Variants in DGLUCY observed in about 807,000 individuals in gnomAD.
DGLUCY encodes the protein D-glutamate cyclase, mitochondrial.
Under a neutral mutation model 58.5 loss-of-function variants are expected in DGLUCY, and 58 were observed. The observed-to-expected ratio is 0.99, with a 90% CI of 0.80 to 1.23. DGLUCY has a LOEUF of 1.23. DGLUCY is among the 50% of genes most tolerant of loss of function. The pLI is 0.00. For synonymous variants in DGLUCY, 325 were observed against 314.1 expected, an observed-to-expected ratio of 1.03 and a Z score of -0.37; for missense variants, 779 against 784.7, an observed-to-expected ratio of 0.99 and a Z score of 0.09.
chr14:91,093,746 G>A (rs746845389), intron 1 of DGLUCY, among the ~76,000 whole-genome samples: 3 of 151,828 alleles, frequency 2.0e-5, no homozygotes, highest in African/African-American at 4.8e-5. Context: ...CGGAGGTCAC[G>A]GTGAACTGAG....
intron 1 of DGLUCY, among the ~76,000 whole-genome samples, chr14:91,152,880 T>A (rs1417300087): frequency 6.6e-6 from 1 of 152,218 alleles, no homozygotes; most frequent in Non-Finnish European, 1.5e-5. Flanking sequence ...CTTCTGTTTT[T>A]CGTGTGCATC....
intron 12 of DGLUCY, among the ~76,000 whole-genome samples, chr14:91,208,515 G>A (rs1259872071): frequency 3.3e-5 from 5 of 152,096 alleles, no homozygotes; most frequent in South Asian, 2.1e-4. Flanking sequence ...TTGGGAGGCC[G>A]AGGCGGGCAG....
intron 13 of DGLUCY, chr14:91,216,146 GGTT>G: frequency 5.5e-6 from 1 of 182,526 alleles, no homozygotes; most frequent in Admixed American, 5.4e-5. Context: ...GCTTAGTGAT[GGTT>G]TGTGGGAGAC....
At chr14:91,083,855 A>G (rs2044168760) in intron 1 of DGLUCY, among the ~76,000 whole-genome samples, 1 of 151,794 alleles carries the variant, frequency 6.6e-6, no homozygotes, top group Non-Finnish European at 1.5e-5. Flanking sequence ...CCCCCAATCT[A>G]ATGTAGCTTC....
chr14:91,186,482 G>A (rs1044268084), intron 8 of DGLUCY, among the ~76,000 whole-genome samples: 32 of 152,030 alleles, frequency 2.1e-4, no homozygotes, highest in Admixed American at 3.9e-4. Context: ...CCTGACCATG[G>A]ATCAGGTGAT....
chr14:91,138,241 C>G (rs1300630599), intron 1 of DGLUCY, among the ~76,000 whole-genome samples: 1 of 152,136 alleles, frequency 6.6e-6, no homozygotes, highest in Non-Finnish European at 1.5e-5. Context: ...CCTGTAATCC[C>G]AGCACTTTGG....
chr14:91,084,292 C>G (rs578036622), intron 1 of DGLUCY, among the ~76,000 whole-genome samples: 2 of 151,876 alleles, frequency 1.3e-5, no homozygotes, highest in East Asian at 3.9e-4. Context: ...CAACCTCCAC[C>G]TCCTGGGTTC....
chr14:91,187,253 C>T (rs1388764895), intron 8 of DGLUCY, among the ~76,000 whole-genome samples: 1 of 152,178 alleles, frequency 6.6e-6, no homozygotes, highest in African/African-American at 2.4e-5. Context: ...CCACCTCAGG[C>T]TCCCAAAGTG....
At chr14:91,116,222 A>G (rs1188484712) in intron 1 of DGLUCY, among the ~76,000 whole-genome samples, 1 of 152,212 alleles carries the variant, frequency 6.6e-6, no homozygotes, top group Non-Finnish European at 1.5e-5. Flanking sequence ...GGATTTTCCA[A>G]CCTGCCTTAA....
chr14:91,207,442 A>T (rs1884935091), intron 12 of DGLUCY, among the ~76,000 whole-genome samples: 1 of 152,220 alleles, frequency 6.6e-6, no homozygotes, highest in African/African-American at 2.4e-5. Flanking sequence ...GAAGAAAGAG[A>T]GCGATAAATA....
intron 1 of DGLUCY, among the ~76,000 whole-genome samples, chr14:91,143,138 C>G (rs573929054): frequency 2.0e-5 from 3 of 151,340 alleles, no homozygotes; most frequent in African/African-American, 4.9e-5. Context: ...CTCTGTCGCC[C>G]AGGCTGGAGT....
chr14:91,099,115 G>C (rs1463286200), intron 1 of DGLUCY, among the ~76,000 whole-genome samples: 1 of 152,194 alleles, frequency 6.6e-6, no homozygotes, highest in East Asian at 1.9e-4. Context: ...CTTGATGCAG[G>C]AGGTAGCTTT....
Position 91,170,049 on chromosome 14 carries a change from G to C in DGLUCY, c.304G>C (p.Gly102Arg). The part of the protein sequence containing the change: ...FWKYEFGACT[G>R]SLASLEQYSE... ...GAAATACGAGTTCGGTGCCTGCACC[G>C]GCAGCCTGGCTTCGCTGGAGCAGTA... Residue 102 changes from glycine to arginine, a missense_variant, in exon 5 of 14, where the codon GGC becomes CGC. Transcript: ENST00000256324. 1 of 1,612,326 alleles carries C rather than the reference G, an allele frequency of 6.2e-7. No homozygotes were observed. Among genetic ancestry groups the C allele is most frequent in the African/African-American group, 1.3e-5 (1 of 75,002 alleles).
upstream of DGLUCY, among the ~76,000 whole-genome samples, chr14:91,103,659 TTCTG>T (rs781145543): frequency 6.6e-6 from 1 of 152,182 alleles, no homozygotes; most frequent in East Asian, 1.9e-4. Context: ...CACCTGCTGT[TTCTG>T]TCTTTCTCTC....
chr14:91,184,159 C>T (rs2049346458), intron 8 of DGLUCY, among the ~76,000 whole-genome samples: 1 of 152,114 alleles, frequency 6.6e-6, no homozygotes, highest in East Asian at 1.9e-4. Flanking sequence ...TCCCAGGGCC[C>T]AGACAGGACT....
chr14:91,220,909 T>C, intron 13 of DGLUCY: 1 of 349,522 alleles, frequency 2.9e-6, no homozygotes. Flanking sequence ...AGGAAGCTGA[T>C]GCCTGGGCAG....
At chr14:91,215,622 G>T in intron 13 of DGLUCY, 66 bp downstream of exon 13, 1 of 1,606,770 alleles carries the variant, frequency 6.2e-7, no homozygotes, top group East Asian at 2.2e-5. Context: ...GCAGGCCTGA[G>T]GTCCCAAGCC....
At chr14:91,159,999 G>A (rs1378812163) in intron 2 of DGLUCY, among the ~76,000 whole-genome samples, 1 of 152,194 alleles carries the variant, frequency 6.6e-6, no homozygotes. Context: ...TGCAGCTCCC[G>A]AGGAATGGAA....
intron 10 of DGLUCY, 91 bp from the exon 11 acceptor site, chr14:91,199,666 C>G: frequency 7.1e-7 from 1 of 1,413,854 alleles, no homozygotes; most frequent in Non-Finnish European, 9.7e-7. Context: ...AAAAAAGAAG[C>G]GTCTTTCGCG....
Sources: allele counts gnomAD v4.1 joint callset (sites outside exome capture counted in the v4.1 genomes callset), GRCh38; gene constraint gnomAD v4.1.1; transcripts MANE v1.5; gene names NCBI Gene and HGNC (gene_info 2026-07-23, HGNC 2026-07-21).